SORCS1: variants seen among roughly 807,000 people sequenced by gnomAD.
SORCS1 encodes the protein sortilin related VPS10 domain containing receptor 1.
Under a neutral mutation model 146.1 loss-of-function variants are expected in SORCS1, and 60 were observed. The observed-to-expected ratio is 0.41, with a 90% CI of 0.33 to 0.51. The LOEUF (loss-of-function observed/expected upper bound fraction) is 0.51, where lower values mean the gene tolerates loss of function less well. Among genes scored for constraint, SORCS1 ranks in the 20% least tolerant of loss-of-function variants. The probability of loss-of-function intolerance (pLI) is 0.21; values close to 1 mark genes in which losing one functional copy is unlikely to be tolerated. For missense variants in SORCS1, 1,352 were observed against 1,487.6 expected (o/e 0.91, Z 1.50); for synonymous variants, 637 against 584.0 (o/e 1.09, Z -1.31).
intron 21 of SORCS1, among the ~76,000 whole-genome samples, chr10:106,617,701 T>A (rs1847467255): frequency 6.6e-6 from 1 of 152,072 alleles, no homozygotes; most frequent in African/African-American, 2.4e-5. Flanking sequence ...TAGCAGATAA[T>A]TTTTTTTATG....
intron 3 of SORCS1, among the ~76,000 whole-genome samples, chr10:106,781,044 C>A (rs576853596): frequency 6.6e-6 from 1 of 151,524 alleles, no homozygotes; most frequent in South Asian, 2.1e-4. Flanking sequence ...TGCACTTTCA[C>A]TGTCTTTAGT....
At position 107,164,614 on chromosome 10, in the gene SORCS1, T is replaced by A; in HGVS notation, c.-88A>T. 9.0e-7 allele frequency: 1 copy of A among 1,113,306 alleles called. No homozygotes were observed. The highest frequency in any genetic ancestry group is 1.2e-6 in the Non-Finnish European group (1 of 861,012). The allele number at this position is 1,113,306 out of a possible 1,614,324, so 69.0% of individuals were successfully genotyped here. On this transcript the variant is annotated 5_prime_UTR_variant, in exon 1 of 26. An upstream open reading frame in the 5' UTR loses its in-frame stop. Coordinates refer to ENST00000263054, the MANE Select transcript of SORCS1 (RefSeq NM_052918.5). The surrounding 1 kb of genome is among the most constrained non-coding windows in gnomAD (Gnocchi z 6.8). ...GCTGGCGGCTGTGGGGGGCCGGCGCTCAGGACCCCAACTCCATCCAAGTTG... is the reference window on the plus strand; with the variant it reads ...GCTGGCGGCTGTGGGGGGCCGGCGCACAGGACCCCAACTCCATCCAAGTTG...
intron 2 of SORCS1, among the ~76,000 whole-genome samples, chr10:106,894,257 G>A (rs551894699): frequency 8.3e-4 from 119 of 143,608 alleles, no homozygotes; most frequent in African/African-American, 2.6e-3. Flanking sequence ...GTGTGTGCGC[G>A]CGCGCACGTG....
At chr10:106,648,183 G>C (rs1849594557) in intron 18 of SORCS1, among the ~76,000 whole-genome samples, 1 of 150,424 alleles carries the variant, frequency 6.6e-6, no homozygotes, top group African/African-American at 2.5e-5. Flanking sequence ...TTTTCTATTT[G>C]TCTCAACTGT....
intron 2 of SORCS1, among the ~76,000 whole-genome samples, chr10:106,915,735 G>A (rs1483683171): frequency 6.6e-6 from 1 of 152,230 alleles, no homozygotes; most frequent in Non-Finnish European, 1.5e-5. Context: ...AAGTGAGGAA[G>A]AGTGGCTTCA....
At chr10:106,932,506 G>C (rs1953471715) in intron 2 of SORCS1, among the ~76,000 whole-genome samples, 1 of 152,128 alleles carries the variant, frequency 6.6e-6, no homozygotes, top group Non-Finnish European at 1.5e-5. Context: ...TTTCTCCCCA[G>C]TTCCCACCAC....
At chr10:106,665,067 T>C (rs756917589) in intron 17 of SORCS1, among the ~76,000 whole-genome samples, 4 of 152,206 alleles carry the variant, frequency 2.6e-5, no homozygotes, top group Non-Finnish European at 5.9e-5. Flanking sequence ...AAAAAAATCA[T>C]AGCTTATTCC....
At chr10:107,157,175 T>C (rs1049962028) in intron 1 of SORCS1, among the ~76,000 whole-genome samples, 3 of 152,188 alleles carry the variant, frequency 2.0e-5, no homozygotes, top group Non-Finnish European at 2.9e-5. Flanking sequence ...AGCTGTGTTC[T>C]AACTCTTGCC....
chr10:106,696,841 A>C (rs1853741478), intron 9 of SORCS1, among the ~76,000 whole-genome samples: 1 of 152,176 alleles, frequency 6.6e-6, no homozygotes, highest in South Asian at 2.1e-4. Context: ...AATGGTTTTT[A>C]TTTCTGGCAG....
At chr10:107,069,479 G>A (rs1962231099) in intron 1 of SORCS1, among the ~76,000 whole-genome samples, 1 of 151,890 alleles carries the variant, frequency 6.6e-6, no homozygotes, top group South Asian at 2.1e-4. Flanking sequence ...AGGTTCAAGC[G>A]ATTCTCCTGC....
At chr10:107,146,020 T>C (rs1968292410) in intron 1 of SORCS1, among the ~76,000 whole-genome samples, 1 of 152,242 alleles carries the variant, frequency 6.6e-6, no homozygotes, top group South Asian at 2.1e-4. Context: ...ATCCTGGTTT[T>C]CACAGGGAAG....
At chr10:107,039,336 A>AG (rs1959062500) in intron 1 of SORCS1, among the ~76,000 whole-genome samples, 1 of 151,436 alleles carries the variant, frequency 6.6e-6, no homozygotes, top group East Asian at 1.9e-4. Context: ...AATAAAGAAA[A>AG]AAAAAAAAAA....
At chr10:106,870,928 G>A (rs1950385728) in intron 2 of SORCS1, among the ~76,000 whole-genome samples, 1 of 152,118 alleles carries the variant, frequency 6.6e-6, no homozygotes, top group South Asian at 2.1e-4. Flanking sequence ...CCTACAGAAT[G>A]GGAGAAAATA....
At chr10:107,083,330 G>A (rs945653693) in intron 1 of SORCS1, among the ~76,000 whole-genome samples, 8 of 152,024 alleles carry the variant, frequency 5.3e-5, no homozygotes, top group African/African-American at 1.9e-4. Context: ...ATTGTGGACT[G>A]TCAATCTTAT....
chr10:106,707,906 T>A (rs1057412489), intron 7 of SORCS1, among the ~76,000 whole-genome samples: 1 of 152,128 alleles, frequency 6.6e-6, no homozygotes, highest in Non-Finnish European at 1.5e-5. Context: ...CAAATGCGCA[T>A]GTTCATCACA....
intron 2 of SORCS1, among the ~76,000 whole-genome samples, chr10:106,871,549 T>C (rs1269232919): frequency 2.0e-5 from 3 of 152,192 alleles, no homozygotes; most frequent in African/African-American, 7.2e-5. Context: ...CACCATTAAA[T>C]GCTATACAGC....
chr10:106,892,724 A>G (rs1951283250), intron 2 of SORCS1, among the ~76,000 whole-genome samples: 1 of 152,204 alleles, frequency 6.6e-6, no homozygotes, highest in Admixed American at 6.5e-5. Context: ...TAAAGAAGTC[A>G]AGTCTCCAGC....
chr10:106,972,057 G>A (rs970807613), intron 1 of SORCS1, among the ~76,000 whole-genome samples: 19 of 151,954 alleles, frequency 1.3e-4, no homozygotes, highest in African/African-American at 4.6e-4. Context: ...TATTATTAAA[G>A]GGGACTGATA....
At chr10:106,928,303 C>T (rs1003014640) in intron 2 of SORCS1, among the ~76,000 whole-genome samples, 55 of 152,236 alleles carry the variant, frequency 3.6e-4, no homozygotes, top group Non-Finnish European at 7.3e-4. Context: ...GGTGGGCCGG[C>T]ACTGCCGAGG....
Sources: allele counts gnomAD v4.1 joint callset (sites outside exome capture counted in the v4.1 genomes callset), GRCh38; gene constraint gnomAD v4.1.1; non-coding constraint Gnocchi (gnomAD v3.1); transcripts MANE v1.5; gene names NCBI Gene and HGNC (gene_info 2026-07-23, HGNC 2026-07-21).